Variants in RAB38 observed in about 807,000 individuals in gnomAD.
The protein encoded by RAB38 is ras-related protein Rab-38.
Under a neutral mutation model 18.4 loss-of-function variants are expected in RAB38, and 15 were observed. The observed-to-expected ratio is 0.82, with a 90% confidence interval of 0.55 to 1.26. RAB38 has a LOEUF of 1.26. RAB38 is among the 50% of genes most tolerant of loss of function. RAB38 has a pLI of 0.00. For synonymous variants in RAB38, 101 were observed against 104.4 expected (o/e 0.97, Z 0.20); for missense variants, 294 against 267.4 (o/e 1.10, Z -0.69).
the RAB38 span, among the ~76,000 whole-genome samples, chr11:88,067,279 A>G: frequency 3.9e-5 from 6 of 152,228 alleles, no homozygotes; most frequent in East Asian, 1.2e-3. Flanking sequence ...AGCATTACAC[A>G]ACAAGTTTAC....
chr11:87,870,360 A>G, the RAB38 span, among the ~76,000 whole-genome samples: 1 of 151,746 alleles, frequency 6.6e-6, no homozygotes, highest in Admixed American at 6.6e-5. Flanking sequence ...AATCACTGGA[A>G]CAGACTTAAA....
chr11:88,140,169 G>C (rs1942889556), intron 2 of RAB38, among the ~76,000 whole-genome samples: 1 of 152,162 alleles, frequency 6.6e-6, no homozygotes, highest in Admixed American at 6.5e-5. Context: ...TTAAGGTAGG[G>C]GGTGCAGCTT....
the RAB38 span, among the ~76,000 whole-genome samples, chr11:87,893,390 AT>A: frequency 5.3e-5 from 5 of 93,888 alleles, no homozygotes; most frequent in African/African-American, 1.5e-4. Flanking sequence ...ATATATATAT[AT>A]TTTTTTTTTA....
intron 1 of RAB38, among the ~76,000 whole-genome samples, chr11:88,172,632 A>G (rs1043639721): frequency 6.6e-6 from 1 of 152,196 alleles, no homozygotes; most frequent in Admixed American, 6.5e-5. Flanking sequence ...GGAGAGATGC[A>G]TTCTTATCTG....
chr11:88,174,642 CAA>C (rs915192861), intron 1 of RAB38, among the ~76,000 whole-genome samples: 3 of 97,182 alleles, frequency 3.1e-5, no homozygotes, highest in Non-Finnish European at 4.3e-5. Flanking sequence ...AAAAAAAAAA[CAA>C]AACAAAAACC....
chr11:88,163,822 C>T (rs1565221236), intron 1 of RAB38, among the ~76,000 whole-genome samples: 3 of 152,046 alleles, frequency 2.0e-5, no homozygotes, highest in Admixed American at 6.6e-5. Context: ...AGTACTAATA[C>T]AGTAGCCCAA....
the RAB38 span, among the ~76,000 whole-genome samples, chr11:87,934,524 A>G: frequency 6.6e-6 from 1 of 152,110 alleles, no homozygotes; most frequent in African/African-American, 2.4e-5. Flanking sequence ...ATTTGGGAAA[A>G]CATAAATGTC....
At chr11:87,964,005 G>GA in the RAB38 span, among the ~76,000 whole-genome samples, 1 of 152,078 alleles carries the variant, frequency 6.6e-6, no homozygotes, top group Non-Finnish European at 1.5e-5. Flanking sequence ...GGAGATAAGG[G>GA]AAAAACACAC....
the RAB38 span, among the ~76,000 whole-genome samples, chr11:87,870,475 T>G: frequency 6.6e-6 from 1 of 151,536 alleles, no homozygotes; most frequent in Non-Finnish European, 1.5e-5. Context: ...AAAAAAATCA[T>G]TTCAGAGTCT....
the RAB38 span, among the ~76,000 whole-genome samples, chr11:88,024,292 C>A: frequency 2.0e-5 from 3 of 152,262 alleles, no homozygotes; most frequent in South Asian, 6.2e-4. Flanking sequence ...AGGTGCTCAA[C>A]ATCATTAATC....
the RAB38 span, among the ~76,000 whole-genome samples, chr11:88,093,875 G>A: frequency 2.0e-5 from 3 of 151,816 alleles, no homozygotes; most frequent in Non-Finnish European, 4.4e-5. Flanking sequence ...CCCTGTCTCT[G>A]CCAGATGTCC....
chr11:88,109,166 T>C (rs1204847552), downstream of RAB38, among the ~76,000 whole-genome samples: 2 of 152,108 alleles, frequency 1.3e-5, no homozygotes, highest in Non-Finnish European at 2.9e-5. Context: ...CAAAACAGCA[T>C]GGTACTGGTA....
chr11:88,097,534 C>T, the RAB38 span, among the ~76,000 whole-genome samples: 3 of 151,770 alleles, frequency 2.0e-5, no homozygotes, highest in African/African-American at 7.3e-5. Flanking sequence ...ATGCTTTGAC[C>T]CCCTCACAGT....
At chr11:88,136,804 A>C (rs1211324541) in intron 2 of RAB38, among the ~76,000 whole-genome samples, 2 of 152,268 alleles carry the variant, frequency 1.3e-5, no homozygotes, top group Non-Finnish European at 2.9e-5. Context: ...CAGTAATTGT[A>C]GTTGAAATCA....
chr11:88,022,532 C>T, the RAB38 span, among the ~76,000 whole-genome samples: 1 of 125,904 alleles, frequency 7.9e-6, no homozygotes, highest in Non-Finnish European at 1.6e-5. Flanking sequence ...AAACGGCATC[C>T]AAATTGGAAA....
the RAB38 span, among the ~76,000 whole-genome samples, chr11:87,894,788 C>CAT: frequency 7.7e-4 from 115 of 149,220 alleles, 3 homozygotes; most frequent in South Asian, 0.014. Context: ...CATTATATAT[C>CAT]ATATATATAT....
chr11:87,919,719 C>A, the RAB38 span, among the ~76,000 whole-genome samples: 6 of 151,896 alleles, frequency 4.0e-5, no homozygotes, highest in Non-Finnish European at 8.8e-5. Flanking sequence ...GCATTGAAGC[C>A]ATCTGGTCCT....
chr11:87,816,979 T>C, the RAB38 span: 1 of 152,158 alleles, frequency 6.6e-6, no homozygotes, highest in Non-Finnish European at 1.5e-5. Flanking sequence ...AATCAATTAT[T>C]AGGTTTATTA....
the RAB38 span, among the ~76,000 whole-genome samples, chr11:88,032,422 G>C: frequency 2.6e-5 from 4 of 152,098 alleles, no homozygotes; most frequent in African/African-American, 4.8e-5. Context: ...GCAAAATAAA[G>C]TACCATCAGA....
Sources: gnomAD v4.1 joint callset for allele counts (sites outside exome capture counted in the v4.1 genomes callset) on GRCh38, gnomAD v4.1.1 for gene constraint, MANE v1.5 for transcripts, NCBI Gene and HGNC (gene_info 2026-07-23, HGNC 2026-07-21) for gene names.